RARB: variants seen among roughly 807,000 people sequenced by gnomAD.
RARB encodes the protein HBV-activated protein.
A neutral mutation model predicts 51.9 loss-of-function variants in RARB; 17 were observed. That is an observed-to-expected ratio of 0.33 (90% CI 0.22 to 0.49). RARB has a LOEUF of 0.49. RARB is among the 20% of genes least tolerant of loss of function. The pLI is 0.99. For missense variants in RARB, 369 were observed against 550.8 expected (o/e 0.67, Z 3.30); for synonymous variants, 215 against 195.4 (o/e 1.10, Z -0.84).
At chr3:24,967,695 G>A (rs1396095582) in intron 2 of RARB, among the ~76,000 whole-genome samples, 1 of 152,066 alleles carries the variant, frequency 6.6e-6, no homozygotes, top group Non-Finnish European at 1.5e-5. Flanking sequence ...TTTCCAAAAT[G>A]AATAAAATAG....
chr3:25,058,718 AAACC>A (rs1292633839), intron 2 of RARB, among the ~76,000 whole-genome samples: 1 of 151,770 alleles, frequency 6.6e-6, no homozygotes, highest in African/African-American at 2.4e-5. Context: ...ATAAAAACAA[AAACC>A]AACCAATTGA....
chr3:25,404,900 G>A (rs767706459), intron 5 of RARB, among the ~76,000 whole-genome samples: 11 of 151,872 alleles, frequency 7.2e-5, no homozygotes, highest in Admixed American at 6.6e-5. Flanking sequence ...TTTTTTTTCA[G>A]TAACCCAGTA....
chr3:24,839,389 T>C (rs1189462546), intron 1 of RARB, among the ~76,000 whole-genome samples: 2 of 151,952 alleles, frequency 1.3e-5, no homozygotes, highest in African/African-American at 4.8e-5. Flanking sequence ...TTGTGATGAA[T>C]TATCCACTGA....
chr3:25,352,605 T>C (rs1705609024), intron 5 of RARB, among the ~76,000 whole-genome samples: 1 of 152,236 alleles, frequency 6.6e-6, no homozygotes, highest in Non-Finnish European at 1.5e-5. Context: ...TCTTTCTCAC[T>C]TTCTGTTTGC....
intron 3 of RARB, among the ~76,000 whole-genome samples, chr3:25,104,059 C>T (rs1410486611): frequency 6.6e-6 from 1 of 152,166 alleles, no homozygotes. Flanking sequence ...TCTTTGAAAT[C>T]CTTTACTGTC....
chr3:25,329,389 C>T (rs144224197), intron 5 of RARB, among the ~76,000 whole-genome samples: 16,526 of 152,064 alleles, frequency 0.11, 992 homozygotes, highest in South Asian at 0.19. Context: ...GATACCCAGG[C>T]AAAAAGGGTC....
intron 2 of RARB, among the ~76,000 whole-genome samples, chr3:24,975,901 C>T (rs1559418361): frequency 6.6e-6 from 1 of 152,118 alleles, no homozygotes; most frequent in East Asian, 1.9e-4. Context: ...GTATTTCTCC[C>T]AGCGCTATCC....
intron 5 of RARB, among the ~76,000 whole-genome samples, chr3:25,262,953 TA>T (rs1379521410): frequency 6.6e-6 from 1 of 152,198 alleles, no homozygotes; most frequent in Non-Finnish European, 1.5e-5. Flanking sequence ...TTGACTGTCT[TA>T]AGGTCTTTCT....
In RARB at chr3:25,254,767, T is replaced by C. The variant is rs537176211; in HGVS notation, c.178+80192T>C. Among the ~76,000 whole-genome samples the C allele has an allele frequency of 2.6e-5, 4 of 152,116 alleles. No homozygotes were observed. In the East Asian group the frequency reaches 7.7e-4, roughly 29 times the overall value. ...AAGGGGGAGATAAAAGAAAATGAAA[T>C]AGGATAAAGAAGAAGACAGTGTGAT... On this transcript the variant is annotated intron_variant, in intron 5 of 11. Transcript: ENST00000383772.
chr3:25,279,493 T>C (rs1176988879), intron 5 of RARB, among the ~76,000 whole-genome samples: 2 of 152,130 alleles, frequency 1.3e-5, no homozygotes, highest in Non-Finnish European at 2.9e-5. Flanking sequence ...GACTCTTGAT[T>C]GAGAAAAGTT....
At chr3:25,218,886 C>G (rs901243452) in intron 5 of RARB, among the ~76,000 whole-genome samples, 1 of 152,204 alleles carries the variant, frequency 6.6e-6, no homozygotes, top group East Asian at 1.9e-4. Flanking sequence ...TCTGCTACCC[C>G]ACCCTGGGCT....
At chr3:25,460,428 T>TTTTATTTATTTATTTA (rs58159674) in intron 1 of RARB, among the ~76,000 whole-genome samples, 5,411 of 145,606 alleles carry the variant, frequency 0.037, 269 homozygotes, top group African/African-American at 0.11. Context: ...ATTTTAAAAT[T>TTTTATTTATTTATTTA]TTTATTTATT....
At chr3:25,325,925 C>T (rs1409830279) in intron 5 of RARB, among the ~76,000 whole-genome samples, 1 of 152,134 alleles carries the variant, frequency 6.6e-6, no homozygotes, top group Non-Finnish European at 1.5e-5. Context: ...AGTCCAAGAC[C>T]AACAGATTCC....
intron 2 of RARB, among the ~76,000 whole-genome samples, chr3:25,480,465 T>A (rs75799428): frequency 0.011 from 1,667 of 152,300 alleles, 24 homozygotes; most frequent in African/African-American, 0.038. Context: ...ATTTTCTGCC[T>A]ATGTCATGGG....
chr3:25,533,512 T>C (rs1699011859), intron 3 of RARB, among the ~76,000 whole-genome samples: 1 of 152,180 alleles, frequency 6.6e-6, no homozygotes, highest in Non-Finnish European at 1.5e-5. Context: ...GTATAGCACA[T>C]GGAATGCAAG....
rs1420749951 is a variant in RARB at position 24,895,626 on chromosome 3, T to TA, written c.-380+36874_-380+36875insA. Among the ~76,000 whole-genome samples, 138 of 151,872 alleles carry TA rather than the reference T, an allele frequency of 9.1e-4. 1 individual carries two copies. The highest frequency in any genetic ancestry group is 2.8e-3 in the African/African-American group (115 of 41,322). On this transcript the variant is annotated intron_variant, in intron 2 of 11. Coordinates refer to the RARB transcript ENST00000383772. ...CCTTACAATTGGGTCTTTTTTTTTTTTCCTTGAGAAGGAGTCTCGCTCTTT... is the reference window on the plus strand; with the variant it reads ...CCTTACAATTGGGTCTTTTTTTTTTTATCCTTGAGAAGGAGTCTCGCTCTTT...
chr3:25,233,530 T>C (rs1023123406), intron 5 of RARB, among the ~76,000 whole-genome samples: 1 of 152,172 alleles, frequency 6.6e-6, no homozygotes, highest in African/African-American at 2.4e-5. Flanking sequence ...TGTATGTCTT[T>C]TATTTCTTTT....
Position 25,096,530 on chromosome 3 carries a change from G to A in RARB, c.-327-35631G>A, listed in dbSNP as rs184614140. Among the ~76,000 whole-genome samples, 14 of 152,202 alleles carry A rather than the reference G, an allele frequency of 9.2e-5. No homozygotes were observed. The South Asian group carries it at 2.9e-3, about 32-fold the overall frequency. On this transcript the variant is annotated intron_variant, in intron 3 of 11. Coordinates refer to the RARB transcript ENST00000383772. ...TTTAGTAAGTTATCTATTTTTAGTT[G>A]TATCATTTTGTGTCCAATAACTGAC...
At chr3:25,286,573 T>C (rs1005792583) in intron 5 of RARB, among the ~76,000 whole-genome samples, 2 of 152,324 alleles carry the variant, frequency 1.3e-5, no homozygotes, top group African/African-American at 2.4e-5. Context: ...TGTTCAAAAA[T>C]GTCAGTTGCT....
Sources: allele counts gnomAD v4.1 joint callset (sites outside exome capture counted in the v4.1 genomes callset), GRCh38; gene constraint gnomAD v4.1.1; transcripts MANE v1.5; gene names NCBI Gene and HGNC (gene_info 2026-07-23, HGNC 2026-07-21).